The following ZPLD1 variants were observed in gnomAD, a reference collection of about 807,000 sequenced individuals.
ZPLD1 encodes the protein zona pellucida like domain containing 1, also known as zona pellucida-like domain-containing protein 1.
A neutral mutation model predicts 47.2 loss-of-function variants in ZPLD1; 34 were observed. The observed-to-expected ratio is 0.72, with a 90% CI of 0.55 to 0.96. The LOEUF is 0.96. ZPLD1 is among the 40% of genes least tolerant of loss of function. The pLI, the probability that ZPLD1 is intolerant of heterozygous loss-of-function variation, is 0.00. For missense variants in ZPLD1, 512 were observed against 505.8 expected (o/e 1.01, Z -0.12); for synonymous variants, 176 against 186.2 (o/e 0.95, Z 0.45).
intron 3 of ZPLD1, among the ~76,000 whole-genome samples, chr3:102,450,169 G>A (rs1184237242): frequency 6.6e-6 from 1 of 152,106 alleles, no homozygotes; most frequent in Non-Finnish European, 1.5e-5. Flanking sequence ...TGGGGTAGGC[G>A]GAGCATTCCA....
intron 8 of ZPLD1, among the ~76,000 whole-genome samples, chr3:102,466,010 A>C (rs917882371): frequency 6.6e-6 from 1 of 152,164 alleles, no homozygotes; most frequent in African/African-American, 2.4e-5. Flanking sequence ...AGGGCTGGGG[A>C]ATCTGAAGAA....
At chr3:102,390,787 T>A (rs1179651849) in intron 6 of ZPLD1, among the ~76,000 whole-genome samples, 1 of 152,198 alleles carries the variant, frequency 6.6e-6, no homozygotes, top group Non-Finnish European at 1.5e-5. Flanking sequence ...TGGCCACTCA[T>A]AGCCATGTGT....
chr3:102,407,390 C>CAA (rs1706700267), intron 7 of ZPLD1, among the ~76,000 whole-genome samples: 1 of 37,058 alleles, frequency 2.7e-5, no homozygotes, highest in Non-Finnish European at 5.2e-5. Context: ...CCTTGATTTT[C>CAA]AAATATATAT....
At chr3:102,387,291 T>C (rs1227183475) in intron 6 of ZPLD1, among the ~76,000 whole-genome samples, 1 of 152,226 alleles carries the variant, frequency 6.6e-6, no homozygotes, top group Non-Finnish European at 1.5e-5. Context: ...ACATGTCTTC[T>C]GTATTTTACC....
upstream of ZPLD1, among the ~76,000 whole-genome samples, chr3:102,433,353 G>A (rs1294620752): frequency 6.6e-6 from 1 of 152,098 alleles, no homozygotes; most frequent in African/African-American, 2.4e-5. Flanking sequence ...TTAGCATTGG[G>A]CAAATTACTT....
chr3:102,398,105 C>A (rs1274736782), intron 7 of ZPLD1, among the ~76,000 whole-genome samples: 1 of 151,876 alleles, frequency 6.6e-6, no homozygotes, highest in African/African-American at 2.4e-5. Context: ...AGGTTTGATG[C>A]CATTTAAATA....
chr3:102,417,839 C>G lies in ZPLD1; in HGVS notation c.-156-221C>G, dbSNP rs1706827048. On this transcript the variant is annotated intron_variant, in intron 7 of 17. Coordinates refer to the ZPLD1 transcript ENST00000491959. ...GATAGCTCACTTCACATATACCACT[C>G]ACGACATCTGTACAGTATAAAATAC... is the stretch of plus-strand genomic sequence containing the variant. 4.0e-5 allele frequency among the ~76,000 whole-genome samples: 6 copies of G among 151,542 alleles called. No individual in the cohort carries two copies. The South Asian group carries it at 1.2e-3, about 31-fold the overall frequency.
chr3:102,453,842 A>C (rs770800091), intron 4 of ZPLD1, among the ~76,000 whole-genome samples: 1 of 152,242 alleles, frequency 6.6e-6, no homozygotes, highest in Non-Finnish European at 1.5e-5. Flanking sequence ...AACACCAAAA[A>C]TAGAGTTAAA....
rs1559747575 is a variant in ZPLD1 at position 102,426,134 on chromosome 3, A to ATG, written c.-9+7927_-9+7928insTG. 1.7e-3 allele frequency among the ~76,000 whole-genome samples: 144 copies of ATG among 85,128 alleles called. 1 individual carries two copies. Among genetic ancestry groups the ATG allele is most frequent in the African/African-American group, 0.01 (125 of 12,498 alleles). 55.8% of individuals were successfully genotyped at this position (85,128 alleles called of 152,430 possible). A position where few individuals can be genotyped will look rare whatever the true frequency, so the allele number is the denominator to read the frequency against. The stretch of plus-strand genomic sequence containing the variant: ...CCTACACACACACACACACACATGC[A>ATG]CACACACACACACACACACACACAT... On this transcript the variant is annotated intron_variant, in intron 8 of 17. Transcript: ENST00000491959.
chr3:102,409,231 CAG>C (rs1706724424), intron 7 of ZPLD1, among the ~76,000 whole-genome samples: 1 of 151,704 alleles, frequency 6.6e-6, no homozygotes, highest in Non-Finnish European at 1.5e-5. Context: ...AAATAGGGGT[CAG>C]ATTTATGTGT....
intron 6 of ZPLD1, among the ~76,000 whole-genome samples, chr3:102,391,565 GA>G (rs1428268295): frequency 6.6e-6 from 1 of 151,970 alleles, no homozygotes; most frequent in Non-Finnish European, 1.5e-5. Flanking sequence ...ATGTTATAAG[GA>G]AGCCAAAGCA....
chr3:102,433,121 C>G (rs750617741), upstream of ZPLD1, among the ~76,000 whole-genome samples: 4 of 152,208 alleles, frequency 2.6e-5, no homozygotes, highest in Non-Finnish European at 5.9e-5. Flanking sequence ...TCCCCCCACT[C>G]CCTGGAGAGT....
chr3:102,473,663 A>G (rs1203937858), intron 10 of ZPLD1, among the ~76,000 whole-genome samples: 1 of 152,214 alleles, frequency 6.6e-6, no homozygotes, highest in African/African-American at 2.4e-5. Context: ...CTAAAGGAAC[A>G]TATACATATA....
intron 3 of ZPLD1, among the ~76,000 whole-genome samples, chr3:102,449,394 G>T (rs1304245665): frequency 1.3e-5 from 2 of 152,146 alleles, no homozygotes; most frequent in African/African-American, 4.8e-5. Flanking sequence ...TTTATCTGCA[G>T]TTTCATTTTC....
chr3:102,398,878 GCACA>G (rs10564376), intron 7 of ZPLD1, among the ~76,000 whole-genome samples: 20,376 of 149,178 alleles, frequency 0.14, 1,401 homozygotes, highest in Middle Eastern at 0.18. Flanking sequence ...GCGTGCGCAC[GCACA>G]CACACACACA....
intron 10 of ZPLD1, among the ~76,000 whole-genome samples, chr3:102,474,621 AC>A (rs1195669243): frequency 6.6e-6 from 1 of 152,142 alleles, no homozygotes; most frequent in Non-Finnish European, 1.5e-5. Flanking sequence ...CTTTTCTAGT[AC>A]TAAGAGAAAA....
intron 7 of ZPLD1, among the ~76,000 whole-genome samples, chr3:102,406,905 T>C (rs1352461484): frequency 6.6e-6 from 1 of 151,870 alleles, no homozygotes; most frequent in Non-Finnish European, 1.5e-5. Context: ...AGCTTGAACA[T>C]ATCGTGCAAA....
chr3:102,409,043 C>A (rs983542390), intron 7 of ZPLD1, among the ~76,000 whole-genome samples: 10 of 151,738 alleles, frequency 6.6e-5, no homozygotes, highest in Non-Finnish European at 1.5e-4. Context: ...GCTGCTACAA[C>A]AGAATATGGC....
intron 3 of ZPLD1, among the ~76,000 whole-genome samples, chr3:102,440,732 A>G (rs35876794): frequency 0.18 from 19,303 of 106,184 alleles, 1,544 homozygotes; most frequent in South Asian, 0.35. Flanking sequence ...TGTGATTGGG[A>G]AAAAAAAAAA....
Sources: allele counts gnomAD v4.1 joint callset (sites outside exome capture counted in the v4.1 genomes callset), GRCh38; gene constraint gnomAD v4.1.1; transcripts MANE v1.5; gene names NCBI Gene and HGNC (gene_info 2026-07-23, HGNC 2026-07-21).